Variants in NRXN1 observed in about 807,000 individuals in gnomAD.
The protein encoded by NRXN1 is neurexin 1.
In NRXN1, 39 loss-of-function variants were observed where a neutral mutation model predicts 150.9. That is an observed-to-expected ratio of 0.26 (90% CI 0.20 to 0.34). The LOEUF (loss-of-function observed/expected upper bound fraction) is 0.34. Among genes scored for constraint, NRXN1 ranks in the 10% least tolerant of loss-of-function variants. The pLI, the probability that NRXN1 is intolerant of heterozygous loss-of-function variation, is 1.00. For synonymous variants in NRXN1, 924 were observed against 757.0 expected (o/e 1.22, Z -3.62); for missense variants, 1,815 against 1,949.9 (o/e 0.93, Z 1.30).
rs111702214 is a variant in NRXN1, at chr2:50,946,813, A to G, written c.773-20858T>C. 3.9e-3 allele frequency among the ~76,000 whole-genome samples: 590 copies of G among 152,340 alleles called. 5 individuals carry two copies. The highest frequency in any genetic ancestry group is 6.0e-3 in the Non-Finnish European group (406 of 68,028). On this transcript the variant is annotated intron_variant, in intron 2 of 22. Transcript: ENST00000401669. Reference sequence around the variant, plus strand: ...ACAGGTATCTACTGGAGCACTATCAAGACACAGTGACTTAAATAACTTTGT... The same window carrying G: ...ACAGGTATCTACTGGAGCACTATCAGGACACAGTGACTTAAATAACTTTGT...
chr2:50,554,911 A>C (rs2105356228), intron 8 of NRXN1, among the ~76,000 whole-genome samples: 1 of 152,306 alleles, frequency 6.6e-6, no homozygotes, highest in South Asian at 2.1e-4. Flanking sequence ...AGAAGAGAAA[A>C]TGAACTTGAG....
intron 21 of NRXN1, chr2:49,974,069 GTCCA>G (rs1558615156): frequency 1.4e-6 from 1 of 717,308 alleles, no homozygotes; most frequent in Non-Finnish European, 2.6e-6. Flanking sequence ...AGGAAATTTA[GTCCA>G]TCCTCTGAAA....
At chr2:50,472,160 T>A (rs1047715655) in intron 16 of NRXN1, 138 bp downstream of exon 16, 1 of 616,778 alleles carries the variant, frequency 1.6e-6, no homozygotes, top group Non-Finnish European at 2.5e-6. Flanking sequence ...GATAAAAAAT[T>A]AAAAACTTGA....
chr2:50,669,819 TAAATAAAAATAG>T (rs1452865370), intron 5 of NRXN1, among the ~76,000 whole-genome samples: 14 of 148,712 alleles, frequency 9.4e-5, no homozygotes, highest in East Asian at 5.9e-4. Context: ...AATAAATAAA[TAAATAAAAATAG>T]AAATAAAAAT....
intron 17 of NRXN1, among the ~76,000 whole-genome samples, chr2:50,341,003 T>A (rs1184756262): frequency 6.6e-6 from 1 of 152,194 alleles, no homozygotes; most frequent in African/African-American, 2.4e-5. Context: ...TAAAAAGGAC[T>A]GCTTTTGGTC....
intron 5 of NRXN1, among the ~76,000 whole-genome samples, chr2:50,687,201 T>G (rs917159049): frequency 2.0e-5 from 3 of 152,166 alleles, no homozygotes; most frequent in Non-Finnish European, 4.4e-5. Flanking sequence ...TAATACCTCA[T>G]TTACCTAGGC....
chr2:50,191,774 T>C (rs2061460329), intron 18 of NRXN1, among the ~76,000 whole-genome samples: 1 of 152,218 alleles, frequency 6.6e-6, no homozygotes, highest in Non-Finnish European at 1.5e-5. Flanking sequence ...TTCCTTTTTA[T>C]TGTTGCATAG....
chr2:50,098,697 G>A (rs1573902029), intron 18 of NRXN1, among the ~76,000 whole-genome samples: 1 of 152,048 alleles, frequency 6.6e-6, no homozygotes, highest in Non-Finnish European at 1.5e-5. Context: ...TGACCAATTT[G>A]GTGGGGCATT....
intron 21 of NRXN1, among the ~76,000 whole-genome samples, chr2:49,975,574 G>A (rs1009600450): frequency 5.9e-5 from 9 of 152,032 alleles, no homozygotes; most frequent in African/African-American, 2.2e-4. Flanking sequence ...TGACTATCAG[G>A]AAATAATAAA....
chr2:50,556,756 A>G (rs1015365542), intron 8 of NRXN1, among the ~76,000 whole-genome samples: 1 of 152,188 alleles, frequency 6.6e-6, no homozygotes, highest in Admixed American at 6.5e-5. Context: ...GAGAAAATAA[A>G]TAACTTAAAG....
At chr2:49,957,001 G>C (rs1349368362) in intron 21 of NRXN1, among the ~76,000 whole-genome samples, 1 of 152,158 alleles carries the variant, frequency 6.6e-6, no homozygotes, top group African/African-American at 2.4e-5. Context: ...AGTTGGAACT[G>C]ATGAAATTGA....
intron 18 of NRXN1, among the ~76,000 whole-genome samples, chr2:50,152,240 T>C (rs1455040909): frequency 6.6e-6 from 1 of 151,790 alleles, no homozygotes; most frequent in Non-Finnish European, 1.5e-5. Flanking sequence ...CATTCTACCT[T>C]CTGTTTCTAT....
rs1381204165 is a variant in NRXN1 at position 50,897,501 on chromosome 2, C to T, written c.832+24368G>A. 2.0e-5 allele frequency among the ~76,000 whole-genome samples: 3 copies of T among 152,098 alleles called. No homozygotes were observed. In the East Asian group the frequency reaches 5.8e-4, roughly 29 times the overall value. On this transcript the variant is annotated intron_variant, in intron 5 of 22. Coordinates refer to ENST00000401669, the MANE Select transcript of NRXN1 (RefSeq NM_001330078.2). ...GATACAAAGAATTTAAAATGCATTC[C>T]TTGATATTAATAAGAACATGATTTA...
rs765191443 is a variant in NRXN1, at chr2:50,568,328, A to G, written c.1321-15303T>C. 2.4e-4 allele frequency among the ~76,000 whole-genome samples: 36 copies of G among 152,306 alleles called. 1 individual carries two copies. The highest frequency in any genetic ancestry group is 6.5e-4 in the Admixed American group (10 of 15,286). ...TAAGTTACAAAGCTTCTGCACAGCAAAGGAAACAATAAACAAAGTGAAGAG... is the reference window on the plus strand; with the variant it reads ...TAAGTTACAAAGCTTCTGCACAGCAGAGGAAACAATAAACAAAGTGAAGAG... On this transcript the variant is annotated intron_variant, in intron 8 of 22. Transcript: ENST00000401669.
Position 51,017,503 on chromosome 2 carries a change from C to G in NRXN1, c.772+9999G>C, listed in dbSNP as rs1209195834. The stretch of plus-strand genomic sequence containing the variant: ...ATACACGTATGGCCACCACATCTGG[C>G]TTTTTTTTTTTTTTTTTTTTTTTTT... On this transcript the variant is annotated intron_variant, in intron 2 of 22. Transcript: ENST00000401669. 1.6e-3 allele frequency among the ~76,000 whole-genome samples: 71 copies of G among 44,320 alleles called. 1 individual carries two copies. The highest frequency in any genetic ancestry group is 0.011 in the South Asian group (11 of 1,012). 29.1% of individuals were successfully genotyped at this position (44,320 alleles called of 152,430 possible).
chr2:50,360,140 G>A (rs2079086597), intron 17 of NRXN1, among the ~76,000 whole-genome samples: 1 of 152,176 alleles, frequency 6.6e-6, no homozygotes, highest in Non-Finnish European at 1.5e-5. Flanking sequence ...CCAGTTACCA[G>A]TCACTGTAAT....
intron 2 of NRXN1, among the ~76,000 whole-genome samples, chr2:50,959,012 T>C (rs1692719472): frequency 2.0e-5 from 3 of 152,138 alleles, no homozygotes; most frequent in African/African-American, 7.2e-5. Flanking sequence ...TTCAGAATTT[T>C]TGTGTCTACA....
At chr2:50,081,349 C>T (rs1012806405) in intron 19 of NRXN1, among the ~76,000 whole-genome samples, 8 of 152,190 alleles carry the variant, frequency 5.3e-5, no homozygotes, top group Middle Eastern at 6.8e-3. Flanking sequence ...GGGGCTGAGG[C>T]GGGTGGATCA....
rs559292406 is a variant in NRXN1, at chr2:50,069,492, T to A, written c.3719-14448A>T. On this transcript the variant is annotated intron_variant, in intron 19 of 22. Transcript: ENST00000401669. The stretch of plus-strand genomic sequence containing the variant: ...GCCATTAAAAATAAAATACCATAAA[T>A]GTTTTTTAACTCAGCAAATATCTTT... 1.9e-4 allele frequency among the ~76,000 whole-genome samples: 29 copies of A among 152,320 alleles called. No homozygotes were observed. In the East Asian group the frequency reaches 3.3e-3, roughly 17 times the overall value.
Sources: gnomAD v4.1 joint callset for allele counts (sites outside exome capture counted in the v4.1 genomes callset) on GRCh38, gnomAD v4.1.1 for gene constraint, MANE v1.5 for transcripts, NCBI Gene and HGNC (gene_info 2026-07-23, HGNC 2026-07-21) for gene names.